The following DOP1A variants were observed in gnomAD, a reference collection of about 807,000 sequenced individuals.
The protein encoded by DOP1A is DOP1 leucine zipper like protein A.
DOP1A carries 90 observed loss-of-function variants against 267.6 expected under a neutral mutation model. The ratio of observed to expected loss-of-function variants is 0.34; its 90% CI spans 0.28 to 0.40. The LOEUF (loss-of-function observed/expected upper bound fraction) is 0.40. DOP1A is among the 10% of genes least tolerant of loss of function. The probability of loss-of-function intolerance (pLI) is 1.00; values close to 1 mark genes in which losing one functional copy is unlikely to be tolerated. For synonymous variants in DOP1A, 932 were observed against 999.1 expected, an observed-to-expected ratio of 0.93 and a Z score of 1.27; for missense variants, 2,437 against 2,900.4, an observed-to-expected ratio of 0.84 and a Z score of 3.67.
intron 7 of DOP1A, among the ~76,000 whole-genome samples, chr6:83,116,810 TA>T (rs1236391422): frequency 6.6e-6 from 1 of 151,794 alleles, no homozygotes; most frequent in Non-Finnish European, 1.5e-5. Context: ...GACTCCAACT[TA>T]AAAAAAATCC....
rs1215159911 is a variant in DOP1A, at chr6:83,162,791, T to G, written c.6964T>G (p.Tyr2322Asp). The change falls in exon 38 of 39, where the codon TAC becomes GAC. Residue 2322 changes from tyrosine (Y) to aspartate (D), a missense_variant and splice_region_variant. Physicochemically the swap from Tyr to Asp is radical, Grantham distance 160 (BLOSUM62 -3). Coordinates refer to ENST00000349129, the MANE Select transcript of DOP1A (RefSeq NM_015018.4). ...CTGATGTCATTATTCTATACATAGGTACCGATGGGCCTTTATTCCAGAAGC... is the reference window on the plus strand; with the variant it reads ...CTGATGTCATTATTCTATACATAGGGACCGATGGGCCTTTATTCCAGAAGC... ...PSENLPQFQM[Y>D]RWAFIPEASD... is the part of the protein sequence containing the mutation. 1.2e-6 allele frequency: 2 copies of G among 1,611,370 alleles called. No individual in the cohort carries two copies. Among genetic ancestry groups the G allele is most frequent in the African/African-American group, 1.3e-5 (1 of 74,814 alleles).
rs1049841754 is a variant in DOP1A at position 83,157,456 on chromosome 6, T to C, written c.6741+138T>C. The C allele has an allele frequency of 4.1e-5, 37 of 900,398 alleles. 1 individual carries two copies. The highest frequency in any genetic ancestry group is 2.5e-4 in the South Asian group (17 of 66,678). The allele number at this position is 900,398 out of a possible 1,614,324, so 55.8% of individuals were successfully genotyped here. On this transcript the variant is annotated intron_variant, in intron 35 of 38. Coordinates refer to ENST00000349129, the MANE Select transcript of DOP1A (RefSeq NM_015018.4). Reference sequence around the variant, plus strand: ...AACCAGTTACTGATGCTTTTTACAGTTGAAAATAGTAAAACAAGTCAGATT... The same window carrying C: ...AACCAGTTACTGATGCTTTTTACAGCTGAAAATAGTAAAACAAGTCAGATT...
intron 4 of DOP1A, among the ~76,000 whole-genome samples, chr6:83,105,922 A>G (rs772813920): frequency 2.6e-5 from 4 of 152,194 alleles, no homozygotes; most frequent in African/African-American, 7.2e-5. Context: ...TATCATTAGT[A>G]TGTTACGTAA....
chr6:83,166,742 G>A, intron 38 of DOP1A: 1 of 1,136,396 alleles, frequency 8.8e-7, no homozygotes, highest in Non-Finnish European at 1.1e-6. Flanking sequence ...AGAGCACATA[G>A]AAGAAAATAA....
chr6:83,134,948 T>C (rs1037006698), intron 19 of DOP1A, among the ~76,000 whole-genome samples: 2 of 152,136 alleles, frequency 1.3e-5, no homozygotes, highest in African/African-American at 4.8e-5. Flanking sequence ...AGCTGGTGCT[T>C]TTCAACCAGC....
At chr6:83,080,578 T>C (rs1057283439) in intron 1 of DOP1A, among the ~76,000 whole-genome samples, 1 of 152,216 alleles carries the variant, frequency 6.6e-6, no homozygotes, top group Non-Finnish European at 1.5e-5. Flanking sequence ...GCAAGAATCC[T>C]GTCATCAGCC....
intron 19 of DOP1A, chr6:83,134,566 TA>T (rs1240803333): frequency 3.5e-6 from 1 of 288,676 alleles, no homozygotes; most frequent in Non-Finnish European, 6.4e-6. Flanking sequence ...GAGCAATGGA[TA>T]CAGCTCTCTT....
intron 1 of DOP1A, among the ~76,000 whole-genome samples, chr6:83,072,272 C>CT (rs1397551798): frequency 2.6e-5 from 4 of 151,838 alleles, no homozygotes; most frequent in Non-Finnish European, 5.9e-5. Flanking sequence ...GAACAAAGAG[C>CT]TTGAGTAAAT....
chr6:83,165,794 G>T (rs1785365011), intron 38 of DOP1A: 3 of 289,054 alleles, frequency 1.0e-5, no homozygotes, highest in Non-Finnish European at 2.1e-5. Context: ...CAGTGTTGTC[G>T]TGAAAAGAAT....
downstream of DOP1A, chr6:83,168,501 T>C: frequency 3.9e-6 from 4 of 1,017,252 alleles, no homozygotes; most frequent in Non-Finnish European, 4.7e-6. Flanking sequence ...TCAATTAAGA[T>C]TGGTTGGGGA....
intron 24 of DOP1A, among the ~76,000 whole-genome samples, chr6:83,143,021 A>G (rs1779903156): frequency 1.3e-5 from 2 of 152,202 alleles, no homozygotes; most frequent in South Asian, 2.1e-4. Flanking sequence ...CATTCACACC[A>G]TATTACATTA....
chr6:83,085,018 A>G (rs1768836528), intron 1 of DOP1A, among the ~76,000 whole-genome samples: 1 of 152,244 alleles, frequency 6.6e-6, no homozygotes, highest in African/African-American at 2.4e-5. Flanking sequence ...ACACATTTTT[A>G]TAAATGTTCT....
chr6:83,106,155 A>G (rs1210066950), intron 4 of DOP1A, among the ~76,000 whole-genome samples: 8 of 152,220 alleles, frequency 5.3e-5, no homozygotes, highest in East Asian at 1.9e-4. Context: ...TTAAAGTTCT[A>G]TAACCTATTA....
At chr6:83,165,540 CAAT>C (rs1435803133) in intron 38 of DOP1A, 1 of 156,456 alleles carries the variant, frequency 6.4e-6, no homozygotes, top group East Asian at 1.9e-4. Flanking sequence ...ACATTTTTGC[CAAT>C]GAGAAATAAG....
At chr6:83,108,741 G>A (rs1774065175) in intron 4 of DOP1A, among the ~76,000 whole-genome samples, 169 bp from the exon 5 acceptor site, 1 of 152,212 alleles carries the variant, frequency 6.6e-6, no homozygotes, top group African/African-American at 2.4e-5. Context: ...ACCCAGGTGA[G>A]AGAACTGGTC....
chr6:83,135,900 A>G (rs1185070717), intron 20 of DOP1A, 22 bp downstream of exon 20: 1 of 1,609,130 alleles, frequency 6.2e-7, no homozygotes, highest in Admixed American at 1.7e-5. Flanking sequence ...ATAGAAGTAG[A>G]CAGCTTTATT....
intron 6 of DOP1A, 24 bp downstream of exon 6, chr6:83,110,338 C>A (rs751588357): frequency 1.2e-6 from 2 of 1,601,208 alleles, no homozygotes; most frequent in South Asian, 2.2e-5. Context: ...TATGGTTGCT[C>A]ATTTCACAAA....
chr6:83,121,887 C>T, intron 10 of DOP1A, 43 bp from the exon 11 acceptor site: 2 of 1,559,968 alleles, frequency 1.3e-6, no homozygotes, highest in Non-Finnish European at 1.7e-6. Context: ...ATGATTTGCT[C>T]ATGCTGATTA....
At chr6:83,081,779 C>A (rs761364743) in intron 1 of DOP1A, among the ~76,000 whole-genome samples, 1 of 152,124 alleles carries the variant, frequency 6.6e-6, no homozygotes, top group Non-Finnish European at 1.5e-5. Flanking sequence ...GAGAAAATAT[C>A]TGCACACCAT....
Sources: allele counts gnomAD v4.1 joint callset (sites outside exome capture counted in the v4.1 genomes callset), GRCh38; gene constraint gnomAD v4.1.1; transcripts MANE v1.5; gene names NCBI Gene and HGNC (gene_info 2026-07-23, HGNC 2026-07-21).